Variants in MAP7 observed in about 807,000 individuals in gnomAD.
The protein encoded by MAP7 is ensconsin.
A neutral mutation model predicts 94.8 loss-of-function variants in MAP7; 52 were observed. The observed-to-expected ratio is 0.55, with a 90% confidence interval of 0.44 to 0.69. MAP7 has a LOEUF of 0.69. Ranked by LOEUF, MAP7 falls within the 30% of genes least tolerant of loss-of-function variation. The pLI is 0.00. For synonymous variants in MAP7, 350 were observed against 357.0 expected, an observed-to-expected ratio of 0.98 and a Z score of 0.22; for missense variants, 940 against 964.6, an observed-to-expected ratio of 0.97 and a Z score of 0.34.
At chr6:136,345,398 A>G (rs1280707877) in intron 17 of MAP7, among the ~76,000 whole-genome samples, 4 of 152,198 alleles carry the variant, frequency 2.6e-5, no homozygotes, top group African/African-American at 9.7e-5. Context: ...CCAAACCCAA[A>G]TAAGAGAAAA....
intron 1 of MAP7, among the ~76,000 whole-genome samples, chr6:136,520,729 T>C (rs1229985152): frequency 6.6e-6 from 1 of 152,204 alleles, no homozygotes; most frequent in African/African-American, 2.4e-5. Flanking sequence ...GATCTGATTC[T>C]ACAGAGTAAG....
intron 1 of MAP7, among the ~76,000 whole-genome samples, chr6:136,437,020 G>A (rs932349464): frequency 6.6e-6 from 1 of 152,208 alleles, no homozygotes; most frequent in African/African-American, 2.4e-5. Flanking sequence ...CACAAAGCAG[G>A]AGTCAGTGCT....
chr6:136,416,286 T>C (rs940073552), intron 2 of MAP7, among the ~76,000 whole-genome samples: 1 of 152,198 alleles, frequency 6.6e-6, no homozygotes, highest in Non-Finnish European at 1.5e-5. Flanking sequence ...AGAACAATCT[T>C]GTACCTGATA....
intron 1 of MAP7, among the ~76,000 whole-genome samples, chr6:136,428,120 G>A (rs1215947940): frequency 1.3e-5 from 2 of 152,150 alleles, no homozygotes; most frequent in African/African-American, 4.8e-5. Flanking sequence ...GAATGGAACA[G>A]AGACACGCAG....
At chr6:136,372,376 G>A in intron 8 of MAP7, 125 bp downstream of exon 8, 1 of 1,116,042 alleles carries the variant, frequency 9.0e-7, no homozygotes, top group Non-Finnish European at 1.3e-6. Flanking sequence ...CAATGGGAAA[G>A]ATGGGATGGT....
At chr6:136,541,793 TCCCACC>T (rs1829344048) in intron 1 of MAP7, among the ~76,000 whole-genome samples, 1 of 152,230 alleles carries the variant, frequency 6.6e-6, no homozygotes, top group Non-Finnish European at 1.5e-5. Flanking sequence ...GAGTGGTGGC[TCCCACC>T]TGTAATTCCA....
intron 1 of MAP7, among the ~76,000 whole-genome samples, chr6:136,428,983 T>C (rs1346112329): frequency 1.3e-5 from 2 of 152,212 alleles, no homozygotes; most frequent in Non-Finnish European, 2.9e-5. Context: ...GAAAATGTAT[T>C]CTTTTTCTTT....
chr6:136,543,966 G>A (rs1829529284), intron 1 of MAP7, among the ~76,000 whole-genome samples: 1 of 152,176 alleles, frequency 6.6e-6, no homozygotes, highest in African/African-American at 2.4e-5. Context: ...CTGTTGCCCA[G>A]GCTGGAATGT....
At chr6:136,406,186 T>A (rs946851336) in intron 3 of MAP7, among the ~76,000 whole-genome samples, 6 of 152,174 alleles carry the variant, frequency 3.9e-5, no homozygotes, top group Non-Finnish European at 5.9e-5. Flanking sequence ...TCTAAGTTCA[T>A]AAAGACAGAA....
intron 1 of MAP7, among the ~76,000 whole-genome samples, chr6:136,499,626 A>G (rs993571362): frequency 6.6e-6 from 1 of 152,116 alleles, no homozygotes; most frequent in African/African-American, 2.4e-5. Flanking sequence ...CAGACAGGAA[A>G]TACTTTAGGC....
intron 3 of MAP7, among the ~76,000 whole-genome samples, chr6:136,401,640 A>C (rs1279238353): frequency 2.0e-5 from 3 of 152,102 alleles, no homozygotes; most frequent in African/African-American, 7.2e-5. Context: ...GTGGGGTGGG[A>C]GGAGGGGAGA....
At chr6:136,486,253 A>G (rs992896182) in intron 1 of MAP7, among the ~76,000 whole-genome samples, 13 of 152,250 alleles carry the variant, frequency 8.5e-5, no homozygotes, top group African/African-American at 3.1e-4. Flanking sequence ...TGAATCCTTA[A>G]TGAAGATCTA....
Position 136,360,990 on chromosome 6 carries a change from G to A in MAP7, c.1701+15C>T, listed in dbSNP as rs761415786. The A allele has an allele frequency of 5.2e-5, 81 of 1,560,306 alleles. No homozygotes were observed. Among genetic ancestry groups the A allele is most frequent in the Non-Finnish European group, 6.0e-5 (70 of 1,161,102 alleles). On this transcript the variant is annotated intron_variant, in intron 12 of 17. Transcript: ENST00000354570. ...GCGGGACTGGGGCCGGGGCCAGGGT[G>A]GGGTGCGGCCGCACCTGCCTCTGGG...
intron 3 of MAP7, among the ~76,000 whole-genome samples, chr6:136,395,465 T>C (rs566986658): frequency 7.3e-5 from 11 of 150,750 alleles, no homozygotes; most frequent in Non-Finnish European, 1.5e-4. Context: ...TGGTTGTTAA[T>C]GCTTTGTCGA....
At chr6:136,411,781 C>A in intron 2 of MAP7, 84 bp from the exon 3 acceptor site, 1 of 1,092,762 alleles carries the variant, frequency 9.2e-7, no homozygotes, top group South Asian at 1.5e-5. Flanking sequence ...TGATAAATAT[C>A]CAGTAAATCT....
chr6:136,382,044 C>T (rs9385756), intron 6 of MAP7, among the ~76,000 whole-genome samples: 1 of 151,996 alleles, frequency 6.6e-6, no homozygotes, highest in Non-Finnish European at 1.5e-5. Flanking sequence ...CAATAATTAG[C>T]CTGTAGGACA....
Position 136,383,745 on chromosome 6 carries a change from G to C in MAP7, c.563C>G (p.Ser188Trp), listed in dbSNP as rs371940141. 1 of 1,610,774 alleles carries C rather than the reference G, an allele frequency of 6.2e-7. No homozygotes were observed. Among genetic ancestry groups the C allele is most frequent in the Non-Finnish European group, 8.5e-7 (1 of 1,178,316 alleles). The change falls in exon 6 of 18, where the codon TCG (serine) becomes TGG (tryptophan). Residue 188 changes from serine to tryptophan, a missense_variant. Transcript: ENST00000354570. ...GCTAATGACGGGATCAACATATTTC[G>C]AAAGATTCATGGTGGAAACTGACCG... ...DRRSVSTMNLSKYVDPVISKR... is the reference protein window; with the variant it reads ...DRRSVSTMNLWKYVDPVISKR...
chr6:136,452,442 C>G (rs1285191555), intron 1 of MAP7, among the ~76,000 whole-genome samples: 1 of 152,176 alleles, frequency 6.6e-6, no homozygotes, highest in Non-Finnish European at 1.5e-5. Flanking sequence ...TTGCATGCTG[C>G]AGAGAAATGA....
At chr6:136,445,490 A>G (rs2128865307) in intron 1 of MAP7, among the ~76,000 whole-genome samples, 1 of 152,010 alleles carries the variant, frequency 6.6e-6, no homozygotes, top group Admixed American at 6.5e-5. Flanking sequence ...TTGCATCCTT[A>G]CTCTCTTGTA....
Sources: gnomAD v4.1 joint callset for allele counts (sites outside exome capture counted in the v4.1 genomes callset) on GRCh38, gnomAD v4.1.1 for gene constraint, MANE v1.5 for transcripts, NCBI Gene and HGNC (gene_info 2026-07-23, HGNC 2026-07-21) for gene names.